Variants in NT5DC3 observed in about 807,000 individuals in gnomAD.
NT5DC3 encodes 5'-nucleotidase domain-containing protein 3.
NT5DC3 carries 42 observed loss-of-function variants against 67.8 expected under a neutral mutation model. That is an observed-to-expected ratio of 0.62 (90% confidence interval 0.48 to 0.80). NT5DC3 has a LOEUF of 0.80. Among genes scored for constraint, NT5DC3 ranks in the 30% least tolerant of loss-of-function variants. The pLI is 0.00. For missense variants in NT5DC3, 570 were observed against 696.4 expected (o/e 0.82, Z 2.04); for synonymous variants, 237 against 255.6 (o/e 0.93, Z 0.69).
At chr12:103,836,115 T>A (rs1360492947) in intron 1 of NT5DC3, among the ~76,000 whole-genome samples, 1 of 152,104 alleles carries the variant, frequency 6.6e-6, no homozygotes, top group Non-Finnish European at 1.5e-5. Flanking sequence ...ATGTGGGAAA[T>A]CTGGGAGATG....
the NT5DC3 span, chr12:103,748,836 A>G: frequency 1.7e-5 from 16 of 950,254 alleles, no homozygotes; most frequent in East Asian, 3.4e-4. Context: ...TGGAGAGAGA[A>G]GCACGAACAC....
At chr12:103,747,458 C>G in the NT5DC3 span, among the ~76,000 whole-genome samples, 1 of 152,186 alleles carries the variant, frequency 6.6e-6, no homozygotes, top group African/African-American at 2.4e-5. Flanking sequence ...TGCCATCGTT[C>G]ACTCACCTCA....
At chr12:103,759,001 T>C in the NT5DC3 span, 1 of 1,478,126 alleles carries the variant, frequency 6.8e-7, no homozygotes, top group Non-Finnish European at 9.3e-7. Context: ...AACCTTGACA[T>C]TTCCTGATCT....
At chr12:103,768,377 G>A (rs1398495556), downstream of NT5DC3, among the ~76,000 whole-genome samples, 1 of 149,884 alleles carries the variant, frequency 6.7e-6, no homozygotes, top group Non-Finnish European at 1.5e-5. Flanking sequence ...GGAGGTTGCA[G>A]TGAGCCAAGA....
intron 4 of NT5DC3, among the ~76,000 whole-genome samples, chr12:103,804,576 A>G (rs1363213316): frequency 6.6e-6 from 1 of 152,248 alleles, no homozygotes; most frequent in East Asian, 1.9e-4. Flanking sequence ...GTGACAAATT[A>G]TTGAAAACAT....
At chr12:103,765,895 A>G, downstream of NT5DC3, 1 of 356,302 alleles carries the variant, frequency 2.8e-6, no homozygotes, top group Non-Finnish European at 5.5e-6. Flanking sequence ...CACTGGTTCA[A>G]GATGAATTTT....
rs117524453 is a variant in NT5DC3 at position 103,830,101 on chromosome 12, C to T, written c.208+10848G>A. ...TACAAGGAACTTACTACGCAATAGGCGCTATTTTAAAAACTCTACATACAT... is the reference window on the plus strand; with the variant it reads ...TACAAGGAACTTACTACGCAATAGGTGCTATTTTAAAAACTCTACATACAT... On this transcript the variant is annotated intron_variant, in intron 1 of 13. Transcript: ENST00000392876. Among the ~76,000 whole-genome samples the T allele has an allele frequency of 4.7e-3, 711 of 152,276 alleles. 1 individual carries two copies. The highest frequency in any genetic ancestry group is 7.7e-3 in the Non-Finnish European group (527 of 68,010).
chr12:103,784,125 T>C lies in NT5DC3; in HGVS notation c.1329+1210A>G, dbSNP rs147509004. ...GTGACTATTAAATGAGCAAAGTGTATAGAGCCAGCACTCAGCACAGTGTCC... is the reference window on the plus strand; with the variant it reads ...GTGACTATTAAATGAGCAAAGTGTACAGAGCCAGCACTCAGCACAGTGTCC... On this transcript the variant is annotated intron_variant, in intron 12 of 13. Coordinates refer to ENST00000392876, the MANE Select transcript of NT5DC3 (RefSeq NM_001031701.3). Among the ~76,000 whole-genome samples, 7 of 152,312 alleles carry C rather than the reference T, an allele frequency of 4.6e-5. No homozygotes were observed. The East Asian group carries it at 1.2e-3, about 25-fold the overall frequency.
At chr12:103,761,410 G>A in the NT5DC3 span, 1 of 1,613,142 alleles carries the variant, frequency 6.2e-7, no homozygotes, top group African/African-American at 1.3e-5. Flanking sequence ...CTGCCCCCGT[G>A]GTGAGTATCT....
chr12:103,800,667 C>T (rs1886531355), intron 4 of NT5DC3, among the ~76,000 whole-genome samples: 1 of 152,230 alleles, frequency 6.6e-6, no homozygotes, highest in Admixed American at 6.5e-5. Flanking sequence ...CTGCAGCAGG[C>T]ATGGGCAGAT....
At chr12:103,762,263 T>C in the NT5DC3 span, 6 of 1,613,448 alleles carry the variant, frequency 3.7e-6, no homozygotes, top group Non-Finnish European at 5.1e-6. Context: ...CTTTCCTTTC[T>C]TTGTGTTCAG....
In NT5DC3 at chr12:103,810,825, C is replaced by T. The variant is rs576917002; in HGVS notation, c.394-3896G>A. ...TACAGGTCTCAGATACAGCTAGTAACCTCTACGTTACAACACTGCTGTGGG... is the reference window on the plus strand; with the variant it reads ...TACAGGTCTCAGATACAGCTAGTAATCTCTACGTTACAACACTGCTGTGGG... On this transcript the variant is annotated intron_variant, in intron 2 of 13. Coordinates refer to ENST00000392876, the MANE Select transcript of NT5DC3 (RefSeq NM_001031701.3). Among the ~76,000 whole-genome samples, 53 of 152,338 alleles carry T rather than the reference C, an allele frequency of 3.5e-4. 1 individual carries two copies. The South Asian group carries it at 0.011, about 31-fold the overall frequency.
rs1885719544 is a variant in NT5DC3 at position 103,785,385 on chromosome 12, G to T, written c.1279C>A (p.Gln427Lys). 1.2e-6 allele frequency: 2 copies of T among 1,613,934 alleles called. No homozygotes were observed. Among genetic ancestry groups the T allele is most frequent in the East Asian group, 4.5e-5 (2 of 44,894 alleles). The change falls in exon 12 of 14, where the codon CAA (glutamine) becomes AAA (lysine). Residue 427 changes from glutamine (Q) to lysine (K), a missense_variant. This residue lies in a region of NT5DC3 where 466 missense variants were observed against 608.0 expected (regional missense o/e 0.77). Transcript: ENST00000392876. ...LKIMNTEQYI[Q>K]TMTWLQTLTG... Reference sequence around the variant, plus strand: ...AAGGTCTGCAGCCAGGTCATGGTTTGAATGTATTGCTCCGTGTTCATGATT... The same window carrying T: ...AAGGTCTGCAGCCAGGTCATGGTTTTAATGTATTGCTCCGTGTTCATGATT...
chr12:103,752,971 A>G, the NT5DC3 span, among the ~76,000 whole-genome samples: 3 of 152,222 alleles, frequency 2.0e-5, no homozygotes, highest in Admixed American at 2.0e-4. Context: ...ATAGAATTGT[A>G]GGTGGTTTTT....
At chr12:103,834,632 G>A (rs1205920129) in intron 1 of NT5DC3, among the ~76,000 whole-genome samples, 1 of 152,208 alleles carries the variant, frequency 6.6e-6, no homozygotes, top group African/African-American at 2.4e-5. Flanking sequence ...AGAAATGGGT[G>A]TAGGGCTTAC....
At chr12:103,812,682 C>T (rs1434044236) in intron 2 of NT5DC3, among the ~76,000 whole-genome samples, 1 of 151,936 alleles carries the variant, frequency 6.6e-6, no homozygotes, top group East Asian at 1.9e-4. Context: ...CCTTTGGAAA[C>T]AGACAGACTT....
intron 1 of NT5DC3, among the ~76,000 whole-genome samples, chr12:103,828,523 T>C (rs1301581723): frequency 1.3e-5 from 2 of 152,116 alleles, no homozygotes; most frequent in Non-Finnish European, 2.9e-5. Flanking sequence ...AAAGAATATA[T>C]CCTGCTATTT....
At chr12:103,785,827 C>A (rs1043918050) in intron 11 of NT5DC3, 1 of 442,320 alleles carries the variant, frequency 2.3e-6, no homozygotes, top group African/African-American at 2.1e-5. Context: ...TACCAAAGGT[C>A]TTCATTCAAT....
chr12:103,813,133 A>G (rs1353057243), intron 2 of NT5DC3, among the ~76,000 whole-genome samples: 1 of 152,260 alleles, frequency 6.6e-6, no homozygotes, highest in Non-Finnish European at 1.5e-5. Flanking sequence ...AATGACATCA[A>G]AGTCACAGAA....
Sources: gnomAD v4.1 joint callset for allele counts (sites outside exome capture counted in the v4.1 genomes callset) on GRCh38, gnomAD v4.1.1 for gene constraint, gnomAD v4.1.1 regional missense constraint, MANE v1.5 for transcripts, NCBI Gene and HGNC (gene_info 2026-07-23, HGNC 2026-07-21) for gene names.